The following SNX29 variants were observed in gnomAD, a reference collection of about 807,000 sequenced individuals.
SNX29 encodes sorting nexin 29, also known as sorting nexin-29.
A neutral mutation model predicts 102.1 loss-of-function variants in SNX29; 78 were observed. The observed-to-expected ratio is 0.76, with a 90% CI of 0.64 to 0.92. SNX29 has a LOEUF of 0.92. Among genes scored for constraint, SNX29 ranks in the 40% least tolerant of loss-of-function variants. The pLI is 0.00. For missense variants in SNX29, 1,280 were observed against 1,061.7 expected (o/e 1.21, Z -2.86); for synonymous variants, 580 against 414.5 (o/e 1.40, Z -4.85).
intron 19 of SNX29, among the ~76,000 whole-genome samples, chr16:12,520,847 G>GTA (rs1567648584): frequency 6.6e-6 from 1 of 152,146 alleles, no homozygotes; most frequent in Non-Finnish European, 1.5e-5. Flanking sequence ...GCATATTTGA[G>GTA]TACAGTGCAC....
At chr16:12,151,519 C>A (rs1427871553) in intron 13 of SNX29, among the ~76,000 whole-genome samples, 5 of 152,206 alleles carry the variant, frequency 3.3e-5, no homozygotes, top group African/African-American at 1.2e-4. Flanking sequence ...TCTGCGTGAT[C>A]TGACCGGGGC....
chr16:12,439,187 A>C lies in SNX29; in HGVS notation c.2037+35658A>C, dbSNP rs573295787. On this transcript the variant is annotated intron_variant, in intron 18 of 20. Coordinates refer to ENST00000566228, the MANE Select transcript of SNX29 (RefSeq NM_032167.5). The stretch of plus-strand genomic sequence containing the variant: ...AGAAAGTGTCATTTGCCAGCCTTGC[A>C]ATGGGAAGCAGCCTCTGTAGGCAGG... 6.6e-5 allele frequency among the ~76,000 whole-genome samples: 10 copies of C among 152,264 alleles called. No individual in the cohort carries two copies. The East Asian group carries it at 1.5e-3, about 24-fold the overall frequency.
chr16:11,978,524 C>G (rs1300875226), intron 1 of SNX29, among the ~76,000 whole-genome samples: 2 of 152,144 alleles, frequency 1.3e-5, no homozygotes, highest in Non-Finnish European at 2.9e-5. Flanking sequence ...GGTGCATTGT[C>G]AGAATCTCAG....
In SNX29 at chr16:12,034,721, T is replaced by G. The variant is rs569241253; in HGVS notation, c.247+7277T>G. ...CTCTGCCTGTTTCAAAGGTGTTTAATCCTGATGTCTCATAAATTAAGACTC... is the reference window on the plus strand; with the variant it reads ...CTCTGCCTGTTTCAAAGGTGTTTAAGCCTGATGTCTCATAAATTAAGACTC... On this transcript the variant is annotated intron_variant, in intron 4 of 20. Coordinates refer to ENST00000566228, the MANE Select transcript of SNX29 (RefSeq NM_032167.5). Among the ~76,000 whole-genome samples the G allele has an allele frequency of 3.6e-3, 542 of 152,274 alleles. 4 individuals carry two copies. The highest frequency in any genetic ancestry group is 5.8e-3 in the Non-Finnish European group (396 of 68,018).
At chr16:12,425,543 AAT>A (rs1281667050) in intron 18 of SNX29, among the ~76,000 whole-genome samples, 2 of 47,610 alleles carry the variant, frequency 4.2e-5, no homozygotes, top group East Asian at 1.5e-3. Context: ...AAAAAAAAAA[AAT>A]AAAAAAAATA....
At chr16:12,533,157 CCT>C (rs2076977724) in intron 20 of SNX29, among the ~76,000 whole-genome samples, 1 of 152,228 alleles carries the variant, frequency 6.6e-6, no homozygotes, top group Non-Finnish European at 1.5e-5. Flanking sequence ...CCAGGCAGGG[CCT>C]CTCTCTGAAC....
At chr16:12,318,883 T>A (rs2080840115) in intron 15 of SNX29, among the ~76,000 whole-genome samples, 2 of 152,124 alleles carry the variant, frequency 1.3e-5, no homozygotes, top group African/African-American at 4.8e-5. Flanking sequence ...AAGGTCTGAG[T>A]CCTGAAGACC....
At chr16:12,134,232 C>A (rs140768363) in intron 13 of SNX29, among the ~76,000 whole-genome samples, 1 of 152,170 alleles carries the variant, frequency 6.6e-6, no homozygotes, top group African/African-American at 2.4e-5. Context: ...GGGTCATTTT[C>A]CAATTCTTGT....
intron 11 of SNX29, among the ~76,000 whole-genome samples, chr16:12,116,802 G>A (rs1163217581): frequency 3.3e-5 from 5 of 152,282 alleles, no homozygotes; most frequent in Non-Finnish European, 2.9e-5. Context: ...GCTTCAACGC[G>A]GACGAACCGT....
intron 18 of SNX29, among the ~76,000 whole-genome samples, chr16:12,431,235 G>T (rs1034531393): frequency 1.2e-4 from 18 of 152,118 alleles, no homozygotes; most frequent in African/African-American, 4.1e-4. Context: ...AGATGTCTGG[G>T]CAAAGGGGGA....
intron 13 of SNX29, among the ~76,000 whole-genome samples, chr16:12,183,855 C>T (rs1382350147): frequency 6.6e-6 from 1 of 152,202 alleles, no homozygotes; most frequent in Non-Finnish European, 1.5e-5. Context: ...TGAGAGTGAC[C>T]TCTAGTCATC....
At chr16:12,401,757 A>T (rs1035040783) in intron 17 of SNX29, among the ~76,000 whole-genome samples, 22 of 152,144 alleles carry the variant, frequency 1.4e-4, no homozygotes, top group Non-Finnish European at 1.5e-4. Flanking sequence ...TTATTGCTCT[A>T]TCTCCAGTAC....
intron 15 of SNX29, among the ~76,000 whole-genome samples, chr16:12,332,266 A>G (rs2081312441): frequency 6.6e-6 from 1 of 152,074 alleles, no homozygotes; most frequent in Non-Finnish European, 1.5e-5. Context: ...GTGTGTGTGC[A>G]CGGGCATATG....
At chr16:12,207,118 C>T (rs1164457708) in intron 14 of SNX29, among the ~76,000 whole-genome samples, 1 of 152,058 alleles carries the variant, frequency 6.6e-6, no homozygotes, top group Non-Finnish European at 1.5e-5. Flanking sequence ...CCTGTAATCC[C>T]AGCATTTCGG....
chr16:12,494,230 G>A (rs1202763644), intron 19 of SNX29, among the ~76,000 whole-genome samples: 1 of 152,096 alleles, frequency 6.6e-6, no homozygotes, highest in Non-Finnish European at 1.5e-5. Context: ...TAGCAACTCT[G>A]GCTCCATTCA....
rs2087725347 is a variant in SNX29, at chr16:12,477,802, C to G, written c.2121C>G (p.Asn707Lys). 1 of 1,613,394 alleles carries G rather than the reference C, an allele frequency of 6.2e-7. No individual in the cohort carries two copies. The highest frequency in any genetic ancestry group is 8.5e-7 in the Non-Finnish European group (1 of 1,179,702). Residue 707 changes from asparagine (N) to lysine (K), a missense_variant, in exon 19 of 21, where the codon AAC (asparagine) becomes AAG (lysine). Asn to Lys is a moderately conservative substitution (Grantham distance 94, BLOSUM62 0). Coordinates refer to ENST00000566228, the MANE Select transcript of SNX29 (RefSeq NM_032167.5). ...EFRSLHHKLQ[N>K]KYPQVRAYNF... is the part of the protein sequence containing the mutation. Reference sequence around the variant, plus strand: ...GGAGTTTGCACCACAAGTTACAAAACAAGTACCCTCAAGTGAGGGCCTACA... The same window carrying G: ...GGAGTTTGCACCACAAGTTACAAAAGAAGTACCCTCAAGTGAGGGCCTACA...
At chr16:12,559,960 C>A (rs1022817782) in intron 20 of SNX29, among the ~76,000 whole-genome samples, 2 of 152,136 alleles carry the variant, frequency 1.3e-5, no homozygotes, top group Non-Finnish European at 2.9e-5. Flanking sequence ...GCCTGGGCAA[C>A]AGAGCAAGAC....
chr16:12,299,543 G>C (rs1302720951), intron 15 of SNX29, among the ~76,000 whole-genome samples: 1 of 152,056 alleles, frequency 6.6e-6, no homozygotes, highest in Non-Finnish European at 1.5e-5. Context: ...GTTCCTCCAG[G>C]GGGCCCTGGC....
At chr16:12,404,222 C>T (rs929958629) in intron 18 of SNX29, among the ~76,000 whole-genome samples, 4 of 152,164 alleles carry the variant, frequency 2.6e-5, no homozygotes, top group African/African-American at 9.7e-5. Flanking sequence ...GTAGACATCG[C>T]CTCTGCTTCC....
Sources: allele counts gnomAD v4.1 joint callset (sites outside exome capture counted in the v4.1 genomes callset), GRCh38; gene constraint gnomAD v4.1.1; transcripts MANE v1.5; gene names NCBI Gene and HGNC (gene_info 2026-07-23, HGNC 2026-07-21).